Variants in MAPK4 observed in about 807,000 individuals in gnomAD.
MAPK4 encodes Erk3-related.
A neutral mutation model predicts 47.7 loss-of-function variants in MAPK4; 22 were observed. The observed-to-expected ratio is 0.46, with a 90% confidence interval of 0.33 to 0.66. MAPK4 has a LOEUF of 0.66. MAPK4 is among the 30% of genes least tolerant of loss of function. MAPK4 has a pLI of 0.02. For synonymous variants in MAPK4, 390 were observed against 365.7 expected (o/e 1.07, Z -0.76); for missense variants, 736 against 831.7 (o/e 0.88, Z 1.42).
chr18:50,629,464 C>T (rs1039905631), intron 1 of MAPK4: 28 of 152,372 alleles, frequency 1.8e-4, no homozygotes, highest in African/African-American at 5.5e-4. Flanking sequence ...GTTTGGCCAA[C>T]AGTGGAGCAC....
In MAPK4 at chr18:50,698,168, C is replaced by A. The variant is rs143994603; in HGVS notation, c.547-16911C>A. Among the ~76,000 whole-genome samples, 747 of 152,252 alleles carry A rather than the reference C, an allele frequency of 4.9e-3. 1 individual carries two copies. The highest frequency in any genetic ancestry group is 0.017 in the African/African-American group (694 of 41,540). On this transcript the variant is annotated intron_variant, in intron 2 of 5. Transcript: ENST00000400384. ...TGATCAACATCAAATAAAATCAAAT[C>A]GGGCTACAATTCAACAAGCTTCAGA...
intron 1 of MAPK4, among the ~76,000 whole-genome samples, chr18:50,565,878 T>C (rs1298526181): frequency 6.6e-6 from 1 of 152,196 alleles, no homozygotes; most frequent in Non-Finnish European, 1.5e-5. Flanking sequence ...AACCAGGAAA[T>C]TGACTAATGA....
intron 1 of MAPK4, among the ~76,000 whole-genome samples, chr18:50,636,075 C>T (rs2042885051): frequency 6.6e-6 from 1 of 152,204 alleles, no homozygotes; most frequent in Non-Finnish European, 1.5e-5. Flanking sequence ...AGGCTTGGGG[C>T]CTTTGCACAC....
At chr18:50,705,857 C>T (rs1489900404) in intron 2 of MAPK4, 1 of 152,210 alleles carries the variant, frequency 6.6e-6, no homozygotes, top group Non-Finnish European at 1.5e-5. Context: ...TATTTCCATT[C>T]CTTGCACTTA....
intron 3 of MAPK4, among the ~76,000 whole-genome samples, chr18:50,719,604 G>A (rs1329309877): frequency 2.6e-5 from 4 of 152,102 alleles, no homozygotes; most frequent in Admixed American, 6.5e-5. Context: ...CCACGATCTG[G>A]GTCATAGGTG....
At chr18:50,571,721 G>A (rs949737188) in intron 1 of MAPK4, among the ~76,000 whole-genome samples, 1 of 152,010 alleles carries the variant, frequency 6.6e-6, no homozygotes, top group African/African-American at 2.4e-5. Flanking sequence ...CAGTTATTTC[G>A]AGACCATCTT....
intron 1 of MAPK4, among the ~76,000 whole-genome samples, chr18:50,620,151 T>C (rs1414051860): frequency 1.3e-5 from 2 of 152,216 alleles, no homozygotes; most frequent in Non-Finnish European, 2.9e-5. Flanking sequence ...TCCTTTGGCA[T>C]GGGTTCCCAG....
intron 1 of MAPK4, among the ~76,000 whole-genome samples, chr18:50,594,826 A>G (rs1598806936): frequency 2.0e-5 from 3 of 152,256 alleles, no homozygotes; most frequent in East Asian, 3.8e-4. Context: ...TTTGTAATAC[A>G]TAAAAATCAG....
rs368239926 is a variant in MAPK4 at position 50,562,298 on chromosome 18, C to T, written c.-871+2055C>T. Among the ~76,000 whole-genome samples, 136 of 152,062 alleles carry T rather than the reference C, an allele frequency of 8.9e-4. 2 individuals are homozygous for T. In the East Asian group the frequency reaches 0.018, roughly 20 times the overall value. On this transcript the variant is annotated intron_variant, in intron 1 of 5. Coordinates refer to ENST00000400384, the MANE Select transcript of MAPK4 (RefSeq NM_002747.4). ...GGTTGGTTGCAAGTTGACTCAAATT[C>T]GTTGTTTCACTTTTGCTGCAGGTTA...
chr18:50,631,309 C>T (rs183742344), intron 1 of MAPK4, among the ~76,000 whole-genome samples: 124 of 152,186 alleles, frequency 8.1e-4, no homozygotes, highest in Non-Finnish European at 1.5e-3. Context: ...TGATGTGCCT[C>T]ACAGAGAAGA....
chr18:50,688,011 G>A (rs192996513), intron 2 of MAPK4, among the ~76,000 whole-genome samples: 3 of 152,258 alleles, frequency 2.0e-5, no homozygotes, highest in Admixed American at 6.5e-5. Flanking sequence ...CCCTGCCCTC[G>A]GGGTCAGGGA....
At chr18:50,712,860 GA>G (rs1251936055) in intron 2 of MAPK4, among the ~76,000 whole-genome samples, 1 of 152,282 alleles carries the variant, frequency 6.6e-6, no homozygotes, top group Admixed American at 6.5e-5. Context: ...CCCTCTGACT[GA>G]AAATAAAACC....
At chr18:50,687,163 C>T (rs1908926781) in intron 2 of MAPK4, among the ~76,000 whole-genome samples, 1 of 152,114 alleles carries the variant, frequency 6.6e-6, no homozygotes, top group African/African-American at 2.4e-5. Context: ...CAAAAGGAAA[C>T]ATCATGTGTC....
rs12605209 is a variant in MAPK4 at position 50,601,763 on chromosome 18, C to T, written c.-871+41520C>T. Among the ~76,000 whole-genome samples, 811 of 152,262 alleles carry T rather than the reference C, an allele frequency of 5.3e-3. 56 individuals carry two copies. In the East Asian group the frequency reaches 0.14, roughly 26 times the overall value. Reference sequence around the variant, plus strand: ...GTGTGATGTCCATAGGCTTTCAAGCCCTGGAATTTCTCACCATTTCCTATC... The same window carrying T: ...GTGTGATGTCCATAGGCTTTCAAGCTCTGGAATTTCTCACCATTTCCTATC... On this transcript the variant is annotated intron_variant, in intron 1 of 5. Transcript: ENST00000400384.
chr18:50,710,516 G>A (rs181831310), intron 2 of MAPK4, among the ~76,000 whole-genome samples: 3 of 151,892 alleles, frequency 2.0e-5, no homozygotes, highest in Non-Finnish European at 4.4e-5. Context: ...GGAGGCTCAC[G>A]CCTGTAATCC....
rs1191979216 is a variant in MAPK4, at chr18:50,609,389, G to GC, written c.-871+49152dup. Among the ~76,000 whole-genome samples the GC allele has an allele frequency of 3.3e-5, 5 of 151,120 alleles. No individual in the cohort carries two copies. The East Asian group carries it at 5.9e-4, about 18-fold the overall frequency. ...CGGGGCGGCTGGCCGGGCGGGGGCT[G>GC]CCCCCCGCCTCCCTCCCGGACGGGG... On this transcript the variant is annotated intron_variant, in intron 1 of 5. Coordinates refer to ENST00000400384, the MANE Select transcript of MAPK4 (RefSeq NM_002747.4).
chr18:50,616,484 T>G (rs745821), intron 1 of MAPK4, among the ~76,000 whole-genome samples: 39,990 of 152,050 alleles, frequency 0.26, 5,415 homozygotes, highest in East Asian at 0.47. Context: ...ACTAATAGGA[T>G]AGATAAATAT....
intron 1 of MAPK4, among the ~76,000 whole-genome samples, chr18:50,585,918 G>T (rs2042384206): frequency 6.6e-6 from 1 of 152,118 alleles, no homozygotes; most frequent in African/African-American, 2.4e-5. Context: ...CAGCATGGGG[G>T]TTACTGCCCC....
intron 1 of MAPK4, among the ~76,000 whole-genome samples, chr18:50,590,019 C>T (rs1430384895): frequency 6.6e-6 from 1 of 152,136 alleles, no homozygotes; most frequent in African/African-American, 2.4e-5. Flanking sequence ...AGATTGCTTC[C>T]CTGCAAAAAG....
Sources: allele counts gnomAD v4.1 joint callset (sites outside exome capture counted in the v4.1 genomes callset), GRCh38; gene constraint gnomAD v4.1.1; transcripts MANE v1.5; gene names NCBI Gene and HGNC (gene_info 2026-07-23, HGNC 2026-07-21).